Variants in MYH16 observed in about 807,000 individuals in gnomAD.
MYH16 encodes putative uncharacterized protein MYH16.
chr7:99,294,545 GAAAA>G (rs200644722), intron 33 of MYH16, among the ~76,000 whole-genome samples: 1 of 77,756 alleles, frequency 1.3e-5, no homozygotes, highest in Admixed American at 1.2e-4. Context: ...AAGAAAAAAA[GAAAA>G]AAAAAATATA....
intron 31 of MYH16, 113 bp from the exon 13 acceptor site, chr7:99,292,199 C>T: frequency 2.8e-6 from 1 of 354,668 alleles, no homozygotes; most frequent in Admixed American, 3.6e-5. Context: ...GATCATGTTT[C>T]TTTTCCCCCT....
At chr7:99,307,097 C>T (rs1792692850), downstream of MYH16, among the ~76,000 whole-genome samples, 1 of 152,150 alleles carries the variant, frequency 6.6e-6, no homozygotes, top group Non-Finnish European at 1.5e-5. Flanking sequence ...CCTGATGTTC[C>T]CCCATCTGCA....
intron 14 of MYH16, chr7:99,263,573 GAGTA>G (rs1404552646): frequency 6.6e-6 from 1 of 152,534 alleles, no homozygotes; most frequent in Non-Finnish European, 1.5e-5. Flanking sequence ...ATAAGTGAGT[GAGTA>G]AGTGAGTGAA....
At chr7:99,286,745 G>T (rs189608905) in intron 28 of MYH16, among the ~76,000 whole-genome samples, 135 of 151,898 alleles carry the variant, frequency 8.9e-4, no homozygotes, top group Admixed American at 2.8e-3. Context: ...GATCACTTGA[G>T]CCCAGGGATT....
chr7:99,267,141 C>T (rs964906225), intron 18 of MYH16, among the ~76,000 whole-genome samples: 2 of 152,204 alleles, frequency 1.3e-5, no homozygotes, highest in African/African-American at 4.8e-5. Flanking sequence ...TTGGTCATGC[C>T]AGTCTCATAG....
chr7:99,271,500 A>G (rs1453352667), intron 19 of MYH16, among the ~76,000 whole-genome samples: 1 of 151,776 alleles, frequency 6.6e-6, no homozygotes, highest in Non-Finnish European at 1.5e-5. Context: ...CAGAAGCAAA[A>G]CTCCGTCTCA....
At chr7:99,289,628 C>T (rs1351335013) in intron 30 of MYH16, among the ~76,000 whole-genome samples, 2 of 152,194 alleles carry the variant, frequency 1.3e-5, no homozygotes, top group African/African-American at 4.8e-5. Context: ...CTCACCTTCC[C>T]AGTGAGATCA....
At chr7:99,263,729 T>A (rs1245344095) in intron 14 of MYH16, among the ~76,000 whole-genome samples, 1 of 152,216 alleles carries the variant, frequency 6.6e-6, no homozygotes, top group Non-Finnish European at 1.5e-5. Context: ...GGATGGATAC[T>A]GCTTTGGAAA....
intron 31 of MYH16, among the ~76,000 whole-genome samples, 167 bp downstream of exon 12, chr7:99,291,617 A>ACCCCCCCCCCCCCCCCCCC (rs34446113): frequency 4.8e-3 from 508 of 105,866 alleles, no homozygotes; most frequent in Admixed American, 6.0e-3. Flanking sequence ...ACACAGCAAG[A>ACCCCCCCCCCCCCCCCCCC]CCCCCCCCCA....
chr7:99,274,341 G>C (rs1792083137), intron 20 of MYH16, among the ~76,000 whole-genome samples: 1 of 152,084 alleles, frequency 6.6e-6, no homozygotes, highest in Non-Finnish European at 1.5e-5. Flanking sequence ...CAGGCACCAG[G>C]CAGCTATGTT....
At chr7:99,302,919 G>A (rs1433963314) in intron 38 of MYH16, 146 bp from the exon 20 acceptor site, 1 of 152,150 alleles carries the variant, frequency 6.6e-6, no homozygotes, top group Non-Finnish European at 1.5e-5. Flanking sequence ...ATGCAGGAGA[G>A]GGACCCATAC....
chr7:99,295,441 T>C (rs1792469277), intron 33 of MYH16, among the ~76,000 whole-genome samples: 1 of 152,030 alleles, frequency 6.6e-6, no homozygotes, highest in African/African-American at 2.4e-5. Flanking sequence ...TTACACAAAC[T>C]ACATCCCACA....
chr7:99,247,080 A>G (rs1335998212), intron 2 of MYH16, among the ~76,000 whole-genome samples: 1 of 152,198 alleles, frequency 6.6e-6, no homozygotes, highest in African/African-American at 2.4e-5. Flanking sequence ...AAAAGAAAAC[A>G]AAAACAAATA....
intron 33 of MYH16, among the ~76,000 whole-genome samples, chr7:99,296,191 T>G (rs1255682033): frequency 6.7e-6 from 1 of 149,346 alleles, no homozygotes; most frequent in Non-Finnish European, 1.5e-5. Flanking sequence ...TCAAAAAGAT[T>G]TTGCTACCCC....
At chr7:99,267,128 A>G (rs2150813893) in intron 18 of MYH16, among the ~76,000 whole-genome samples, 1 of 152,366 alleles carries the variant, frequency 6.6e-6, no homozygotes. Context: ...TGAAAAATCA[A>G]GATTGGTCAT....
intron 2 of MYH16, among the ~76,000 whole-genome samples, chr7:99,244,287 C>T (rs1034585089): frequency 3.3e-5 from 5 of 152,208 alleles, no homozygotes; most frequent in African/African-American, 1.2e-4. Context: ...GAAGGACAAC[C>T]AACTGCATCC....
At chr7:99,282,762 G>A (rs1195142945) in intron 23 of MYH16, among the ~76,000 whole-genome samples, 1 of 151,998 alleles carries the variant, frequency 6.6e-6, no homozygotes, top group Non-Finnish European at 1.5e-5. Context: ...CCCAAGAGGT[G>A]GAGGCTGCAG....
chr7:99,253,522 G>T (rs1791837136), intron 7 of MYH16: 1 of 152,228 alleles, frequency 6.6e-6, no homozygotes, highest in South Asian at 2.1e-4. Flanking sequence ...GCAGCCTGTT[G>T]GTGCCCAGGA....
Position 99,302,299 on chromosome 7 carries a change from C to CAAAA in MYH16, n.5137+505_5137+508dup, listed in dbSNP as rs1267029344. Among the ~76,000 whole-genome samples the CAAAA allele has an allele frequency of 3.1e-3, 268 of 87,626 alleles. 14 individuals are homozygous for CAAAA. Among genetic ancestry groups the CAAAA allele is most frequent in the African/African-American group, 0.016 (235 of 14,822 alleles). The allele number at this position is 87,626 out of a possible 152,430, so 57.5% of individuals were successfully genotyped here. A position where few individuals can be genotyped will look rare whatever the true frequency, so the allele number is the denominator to read the frequency against. ...AGCCTGGGTGACAGAGTGACCATCT[C>CAAAA]AAAAAAAAAAAAATATATACACACA... On this transcript the variant is annotated intron_variant and non_coding_transcript_variant, in intron 38 of 41. Coordinates refer to ENST00000439784, the Ensembl canonical transcript of MYH16.
Sources: allele counts gnomAD v4.1 joint callset (sites outside exome capture counted in the v4.1 genomes callset), GRCh38; gene constraint gnomAD v4.1.1; transcripts MANE v1.5; gene names NCBI Gene and HGNC (gene_info 2026-07-23, HGNC 2026-07-21).